The following SMOC2 variants were observed in gnomAD, a reference collection of about 807,000 sequenced individuals.
SMOC2 encodes the protein SPARC-related modular calcium-binding protein 2.
In SMOC2, 39 loss-of-function variants were observed where a neutral mutation model predicts 61.4. The observed-to-expected ratio is 0.64, with a 90% confidence interval of 0.49 to 0.83. SMOC2 has a LOEUF of 0.83. Ranked by LOEUF, SMOC2 falls within the 40% of genes least tolerant of loss-of-function variation. SMOC2 has a pLI of 0.00. For missense variants in SMOC2, 556 were observed against 592.9 expected (o/e 0.94, Z 0.65); for synonymous variants, 247 against 239.9 (o/e 1.03, Z -0.27).
At chr6:168,518,634 T>A (rs201940291) in intron 2 of SMOC2, among the ~76,000 whole-genome samples, 13 of 108,358 alleles carry the variant, frequency 1.2e-4, no homozygotes, top group East Asian at 2.9e-4. Flanking sequence ...AGTGCATGTG[T>A]GAGTGTATGC....
At chr6:168,445,932 G>T (rs1216307110) in intron 1 of SMOC2, among the ~76,000 whole-genome samples, 1 of 152,206 alleles carries the variant, frequency 6.6e-6, no homozygotes, top group Non-Finnish European at 1.5e-5. Flanking sequence ...GCTCAGAACC[G>T]AACAGATTTC....
Position 168,605,468 on chromosome 6 carries a change from C to T in SMOC2, c.825-2689C>T, listed in dbSNP as rs112014658. On this transcript the variant is annotated intron_variant, in intron 8 of 12. Coordinates refer to ENST00000356284, the MANE Select transcript of SMOC2 (RefSeq NM_001166412.2). ...TGATGGATGACAAAGCTGAAATTAA[C>T]GGACTTATTTCTCCTCTTTCTCCTC... Among the ~76,000 whole-genome samples the T allele has an allele frequency of 8.8e-3, 1,331 of 152,096 alleles. 21 individuals are homozygous for T. Among genetic ancestry groups the T allele is most frequent in the African/African-American group, 0.028 (1,152 of 41,492 alleles).
intron 6 of SMOC2, among the ~76,000 whole-genome samples, 178 bp downstream of exon 6, chr6:168,547,347 AAC>A (rs1554238091): frequency 7.0e-6 from 1 of 143,814 alleles, no homozygotes; most frequent in African/African-American, 3.0e-5. Flanking sequence ...CTTTAAAAAA[AAC>A]AAACAAACAA....
chr6:168,618,198 G>A (rs149241116), intron 9 of SMOC2, among the ~76,000 whole-genome samples: 7 of 152,322 alleles, frequency 4.6e-5, no homozygotes, highest in Non-Finnish European at 8.8e-5. Flanking sequence ...ATTTTTAAAC[G>A]CGAGGCCTCC....
intron 6 of SMOC2, 140 bp downstream of exon 6, chr6:168,547,309 C>T (rs938493283): frequency 1.8e-5 from 12 of 682,660 alleles, no homozygotes; most frequent in Admixed American, 1.2e-4. Flanking sequence ...CAGAAAAGAC[C>T]ACGTGATCTT....
At position 168,452,253 on chromosome 6, in the gene SMOC2, C is replaced by T. The variant is rs1423712996; in HGVS notation, c.84+10799C>T. On this transcript the variant is annotated intron_variant, in intron 1 of 12. Coordinates refer to ENST00000356284, the MANE Select transcript of SMOC2 (RefSeq NM_001166412.2). This position sits in a 1 kb window ranked among gnomAD's most constrained non-coding sequence, Gnocchi z 5.0. ...CATTTTAGCTTGATGTTTCTACTGT[C>T]TTTATTTAGAAGTCTGGGATATGCA... 1.3e-5 allele frequency among the ~76,000 whole-genome samples: 2 copies of T among 152,200 alleles called. No individual in the cohort carries two copies. Among genetic ancestry groups the T allele is most frequent in the Admixed American group, 6.5e-5 (1 of 15,286 alleles).
chr6:168,490,845 C>T (rs1782456247), intron 1 of SMOC2, among the ~76,000 whole-genome samples: 1 of 152,208 alleles, frequency 6.6e-6, no homozygotes. Context: ...TCCCGCTCAG[C>T]ACTGAGTGGG....
chr6:168,666,785 CT>C lies in SMOC2; in HGVS notation c.*348del, dbSNP rs1471382381. 3 of 247,280 alleles carry C rather than the reference CT, an allele frequency of 1.2e-5. No homozygotes were observed. Among genetic ancestry groups the C allele is most frequent in the African/African-American group, 6.7e-5 (3 of 44,886 alleles). 15.3% of individuals were successfully genotyped at this position (247,280 alleles called of 1,614,324 possible). A position where few individuals can be genotyped will look rare whatever the true frequency, so the allele number is the denominator to read the frequency against. On this transcript the variant is annotated 3_prime_UTR_variant, in exon 13 of 13. Coordinates refer to ENST00000356284, the MANE Select transcript of SMOC2 (RefSeq NM_001166412.2). ...GCAATCGTATGGCTTTCTCTAACCCCTGCAGTCACTTCCAGATGCCTGTGCT... is the reference window on the plus strand; with the variant it reads ...GCAATCGTATGGCTTTCTCTAACCCCGCAGTCACTTCCAGATGCCTGTGCT...
chr6:168,535,864 C>T lies in SMOC2; in HGVS notation c.464-7761C>T, dbSNP rs1302967135. On this transcript the variant is annotated intron_variant, in intron 4 of 12. Coordinates refer to ENST00000356284, the MANE Select transcript of SMOC2 (RefSeq NM_001166412.2). This position sits in a 1 kb window ranked among gnomAD's most constrained non-coding sequence, Gnocchi z 4.6. ...ATAACGCAGCAGTGATGCAGCTTCA[C>T]GGCACAGGGGCGCCGCCGGGGGAAG... Among the ~76,000 whole-genome samples, 4 of 150,344 alleles carry T rather than the reference C, an allele frequency of 2.7e-5. No homozygotes were observed. The East Asian group carries it at 7.8e-4, about 29-fold the overall frequency.
At chr6:168,608,480 A>G (rs1785770211) in intron 9 of SMOC2, among the ~76,000 whole-genome samples, 1 of 152,104 alleles carries the variant, frequency 6.6e-6, no homozygotes, top group Admixed American at 6.5e-5. Flanking sequence ...TCAGACATGG[A>G]AGAGAAAGAA....
chr6:168,503,937 G>A (rs74535278), intron 1 of SMOC2, among the ~76,000 whole-genome samples: 5,863 of 152,218 alleles, frequency 0.039, 183 homozygotes, highest in South Asian at 0.16. Context: ...ATCCTCTGCC[G>A]GAGGGAGGAG....
chr6:168,546,488 G>C (rs749036939), intron 5 of SMOC2, among the ~76,000 whole-genome samples: 14 of 152,190 alleles, frequency 9.2e-5, no homozygotes, highest in Non-Finnish European at 1.9e-4. Context: ...TATGGGTGGT[G>C]TAGGGGCCTG....
intron 8 of SMOC2, among the ~76,000 whole-genome samples, chr6:168,600,616 A>G (rs117174290): frequency 0.015 from 2,349 of 152,238 alleles, 83 homozygotes; most frequent in Admixed American, 0.074. Flanking sequence ...ACCCAGTGCC[A>G]GGGTGGAAAC....
intron 1 of SMOC2, among the ~76,000 whole-genome samples, chr6:168,497,353 G>A (rs1554284364): frequency 2.0e-5 from 3 of 152,242 alleles, no homozygotes; most frequent in Non-Finnish European, 2.9e-5. Flanking sequence ...CCAAAGGGAC[G>A]GCCTCTGCAC....
intron 9 of SMOC2, among the ~76,000 whole-genome samples, chr6:168,636,443 G>A (rs995506641): frequency 2.0e-5 from 3 of 152,196 alleles, no homozygotes; most frequent in Non-Finnish European, 4.4e-5. Flanking sequence ...ATATGTGTTG[G>A]TTGTAGATGC....
intron 9 of SMOC2, among the ~76,000 whole-genome samples, chr6:168,644,586 C>T (rs553784411): frequency 6.6e-6 from 1 of 151,938 alleles, no homozygotes; most frequent in Non-Finnish European, 1.5e-5. Context: ...TCTTTCCAGG[C>T]ACCCAGCTAT....
At chr6:168,522,818 G>T (rs377766286) in intron 2 of SMOC2, among the ~76,000 whole-genome samples, 1 of 152,182 alleles carries the variant, frequency 6.6e-6, no homozygotes, top group East Asian at 1.9e-4. Flanking sequence ...AGGATACCTC[G>T]TGTGTGATTG....
chr6:168,494,466 G>A (rs1017932998), intron 1 of SMOC2, among the ~76,000 whole-genome samples: 2 of 152,146 alleles, frequency 1.3e-5, no homozygotes, highest in South Asian at 2.1e-4. Flanking sequence ...GGCTTTAGCC[G>A]AAACACTTTA....
intron 7 of SMOC2, among the ~76,000 whole-genome samples, chr6:168,586,486 A>G (rs1416452694): frequency 6.6e-6 from 1 of 152,036 alleles, no homozygotes; most frequent in Non-Finnish European, 1.5e-5. Flanking sequence ...ACATTTTCCT[A>G]TTTGTTTTAG....
Sources: allele counts gnomAD v4.1 joint callset (sites outside exome capture counted in the v4.1 genomes callset), GRCh38; gene constraint gnomAD v4.1.1; non-coding constraint Gnocchi (gnomAD v3.1); transcripts MANE v1.5; gene names NCBI Gene and HGNC (gene_info 2026-07-23, HGNC 2026-07-21).